The following USH2A variants were observed in gnomAD, a reference collection of about 807,000 sequenced individuals.
USH2A encodes usherin.
In USH2A, 443 loss-of-function variants were observed where a neutral mutation model predicts 538.9. That is an observed-to-expected ratio of 0.82 (90% CI 0.76 to 0.89). The LOEUF (loss-of-function observed/expected upper bound fraction) is 0.89. Among genes scored for constraint, USH2A ranks in the 40% least tolerant of loss-of-function variants. The probability of loss-of-function intolerance (pLI) is 0.00; values close to 1 mark genes in which losing one functional copy is unlikely to be tolerated. For synonymous variants in USH2A, 2,413 were observed against 2,273.5 expected (o/e 1.06, Z -1.75); for missense variants, 6,633 against 6,324.8 (o/e 1.05, Z -1.65).
rs1319722709 is a variant in USH2A, at chr1:215,786,744, G to A, written c.10313C>T (p.Ala3438Val). 3 of 1,613,902 alleles carry A rather than the reference G, an allele frequency of 1.9e-6. No individual in the cohort carries two copies. In the South Asian group the frequency reaches 3.3e-5, roughly 18 times the overall value. The part of the protein sequence containing the change: ...IRGSHNSTGK[A>V]SIEEMCSSAE... ...AGATGAACACATTTCTTCAATTGATGCCTTCCCTGTGGAATTGTGAGACCC... is the reference window on the plus strand; with the variant it reads ...AGATGAACACATTTCTTCAATTGATACCTTCCCTGTGGAATTGTGAGACCC... Residue 3438 changes from alanine (A) to valine (V), a missense_variant, in exon 52 of 72, where the codon GCA becomes GTA. Transcript: ENST00000307340.
At chr1:215,628,375 T>C (rs866915847) in intron 71 of USH2A, among the ~76,000 whole-genome samples, 37 of 152,042 alleles carry the variant, frequency 2.4e-4, no homozygotes, top group Admixed American at 3.3e-4. Flanking sequence ...CTCCACCTCC[T>C]GGGTTCAAGC....
At chr1:215,702,491 C>T (rs1242640229) in intron 61 of USH2A, among the ~76,000 whole-genome samples, 1 of 152,112 alleles carries the variant, frequency 6.6e-6, no homozygotes, top group South Asian at 2.1e-4. Context: ...CACATAGCCC[C>T]ATATTTCTTG....
chr1:215,929,549 T>G (rs932642428), intron 38 of USH2A, among the ~76,000 whole-genome samples: 3 of 152,044 alleles, frequency 2.0e-5, no homozygotes, highest in Non-Finnish European at 4.4e-5. Context: ...AAAGACAGGT[T>G]TTTTTACTTA....
intron 60 of USH2A, among the ~76,000 whole-genome samples, chr1:215,730,028 G>A (rs1200599819): frequency 6.6e-6 from 1 of 152,160 alleles, no homozygotes; most frequent in East Asian, 1.9e-4. Context: ...AACTGTCTGA[G>A]GATGGAATTG....
intron 60 of USH2A, among the ~76,000 whole-genome samples, chr1:215,729,238 A>G (rs1037422986): frequency 2.6e-5 from 4 of 152,200 alleles, no homozygotes; most frequent in African/African-American, 9.6e-5. Context: ...AGGGAAGTCC[A>G]CAGTTCCTAT....
intron 21 of USH2A, among the ~76,000 whole-genome samples, chr1:216,124,066 A>C (rs17026120): frequency 0.018 from 2,805 of 152,252 alleles, 82 homozygotes; most frequent in African/African-American, 0.063. Flanking sequence ...GGAGTTCTGC[A>C]TATTTTTTAG....
At chr1:216,183,952 T>C (rs2034541180) in intron 20 of USH2A, among the ~76,000 whole-genome samples, 1 of 152,002 alleles carries the variant, frequency 6.6e-6, no homozygotes, top group Non-Finnish European at 1.5e-5. Context: ...AAATTTGACA[T>C]GTTGGTTACA....
intron 3 of USH2A, among the ~76,000 whole-genome samples, chr1:216,393,480 C>T (rs985153947): frequency 2.6e-5 from 4 of 152,008 alleles, no homozygotes; most frequent in African/African-American, 9.7e-5. Context: ...TTTAGTTGTT[C>T]CAGGTGATTT....
chr1:216,304,052 G>T (rs2037268307), intron 9 of USH2A, among the ~76,000 whole-genome samples: 1 of 151,784 alleles, frequency 6.6e-6, no homozygotes, highest in Admixed American at 6.6e-5. Context: ...ATATTATTGT[G>T]TTTAAGGGAA....
intron 38 of USH2A, among the ~76,000 whole-genome samples, chr1:215,918,952 C>T (rs918141321): frequency 6.6e-6 from 1 of 151,914 alleles, no homozygotes; most frequent in African/African-American, 2.4e-5. Flanking sequence ...GTTTATGAAC[C>T]TAGGGGGATT....
chr1:216,175,832 A>G (rs1485588311), intron 20 of USH2A, among the ~76,000 whole-genome samples: 2 of 152,144 alleles, frequency 1.3e-5, no homozygotes, highest in Non-Finnish European at 2.9e-5. Context: ...CCAAGCAGGT[A>G]CCCCAATGGC....
intron 38 of USH2A, among the ~76,000 whole-genome samples, chr1:215,926,612 A>ATTTTTTTT (rs1666243290): frequency 5.4e-5 from 1 of 18,498 alleles, no homozygotes; most frequent in African/African-American, 2.3e-4. Flanking sequence ...TTACCTACCT[A>ATTTTTTTT]TCTTTTTTTT....
rs11803336 is a variant in USH2A, at chr1:215,852,779, G to A, written c.8846-6746C>T. Among the ~76,000 whole-genome samples the A allele has an allele frequency of 3.5e-3, 526 of 152,314 alleles. 3 individuals are homozygous for A. The highest frequency in any genetic ancestry group is 0.012 in the African/African-American group (517 of 41,578). ...TCAAGCAGGGAAGTCAAATCTTAAA[G>A]CTCCAAAATGATCTCTTTTGAATCC... On this transcript the variant is annotated intron_variant, in intron 44 of 71. Coordinates refer to ENST00000307340, the MANE Select transcript of USH2A (RefSeq NM_206933.4).
chr1:215,813,939 GT>G lies in USH2A; in HGVS notation c.9571-36del. On this transcript the variant is annotated intron_variant, in intron 48 of 71. Transcript: ENST00000307340. ...TGAAAACAGTTTTAAAGAAATATCA[GT>G]TTAGTTAAGAGTGTTATACCACTGT... The G allele has an allele frequency of 1.9e-6, 3 of 1,607,888 alleles. No individual in the cohort carries two copies. In the South Asian group the frequency reaches 3.3e-5, roughly 18 times the overall value.
At chr1:216,327,825 A>G (rs1470231326) in intron 4 of USH2A, among the ~76,000 whole-genome samples, 171 bp from the exon 5 acceptor site, 1 of 152,184 alleles carries the variant, frequency 6.6e-6, no homozygotes, top group East Asian at 1.9e-4. Context: ...CACATTAATA[A>G]CAAAAATAAT....
chr1:216,063,151 A>G (rs2031239478), intron 30 of USH2A, among the ~76,000 whole-genome samples: 1 of 152,198 alleles, frequency 6.6e-6, no homozygotes, highest in Non-Finnish European at 1.5e-5. Context: ...AACTGTTTAT[A>G]TAGGCTTCAC....
At chr1:216,033,596 C>G (rs1326100333) in intron 32 of USH2A, among the ~76,000 whole-genome samples, 1 of 152,152 alleles carries the variant, frequency 6.6e-6, no homozygotes, top group African/African-American at 2.4e-5. Flanking sequence ...AATAGGGCAA[C>G]AGCAGTTTGG....
intron 4 of USH2A, among the ~76,000 whole-genome samples, chr1:216,344,723 G>A (rs2038141107): frequency 1.3e-5 from 2 of 151,794 alleles, no homozygotes; most frequent in Admixed American, 6.6e-5. Context: ...TCTCTCTTAA[G>A]ACAGAGGTGG....
intron 61 of USH2A, among the ~76,000 whole-genome samples, 187 bp from the exon 62 acceptor site, chr1:215,680,563 T>C (rs1457020566): frequency 2.0e-5 from 3 of 152,036 alleles, no homozygotes; most frequent in Non-Finnish European, 4.4e-5. Flanking sequence ...ACACCGTGAA[T>C]ATATTACCCA....
Sources: allele counts gnomAD v4.1 joint callset (sites outside exome capture counted in the v4.1 genomes callset), GRCh38; gene constraint gnomAD v4.1.1; transcripts MANE v1.5; gene names NCBI Gene and HGNC (gene_info 2026-07-23, HGNC 2026-07-21).